Variants in SPRED3 observed in about 807,000 individuals in gnomAD.
SPRED3 encodes sprouty-related, EVH1 domain-containing protein 3.
In SPRED3, 23 loss-of-function variants were observed where a neutral mutation model predicts 37.6. The ratio of observed to expected loss-of-function variants is 0.61; its 90% confidence interval spans 0.44 to 0.87. The LOEUF (loss-of-function observed/expected upper bound fraction) is 0.87. SPRED3 is among the 40% of genes least tolerant of loss of function. The probability of loss-of-function intolerance (pLI) is 0.00; values close to 1 mark genes in which losing one functional copy is unlikely to be tolerated. For missense variants in SPRED3, 584 were observed against 618.6 expected (o/e 0.94, Z 0.59); for synonymous variants, 302 against 279.6 (o/e 1.08, Z -0.80).
rs111992491 is a variant in SPRED3, at chr19:38,392,326, G to A, written c.423+38G>A. 0.013 allele frequency: 19,833 copies of A among 1,471,412 alleles called. 170 individuals carry two copies. The highest frequency in any genetic ancestry group is 0.016 in the Non-Finnish European group (18,198 of 1,111,696). The allele number at this position is 1,471,412 out of a possible 1,614,324, so 91.1% of individuals were successfully genotyped here. A position where few individuals can be genotyped will look rare whatever the true frequency, so the allele number is the denominator to read the frequency against. ...GATGCCTCTCTGCTGGGGGAGGGTA[G>A]GGGTTTTGTTTTTATTCTATGAACA... is the stretch of plus-strand genomic sequence containing the variant. On this transcript the variant is annotated intron_variant, in intron 4 of 5. Transcript: ENST00000691638.
Position 38,390,440 on chromosome 19 carries a change from G to A in SPRED3, c.138G>A (p.Gly46=). The change falls in exon 2 of 6, where the codon GGG becomes GGA. Residue 46 remains glycine (G), a synonymous_variant. Transcript: ENST00000691638. Reference sequence around the variant, plus strand: ...GGCCCGAGGGGGGGGCCCGCCAGGGGCACTACGTCATCCACGGGGAACGCC... The same window carrying A: ...GGCCCGAGGGGGGGGCCCGCCAGGGACACTACGTCATCCACGGGGAACGCC... ...GARPEGGARQ[G]HYVIHGERLR... 7.1e-7 allele frequency: 1 copy of A among 1,405,950 alleles called. No individual in the cohort carries two copies. The allele number at this position is 1,405,950 out of a possible 1,614,324, so 87.1% of individuals were successfully genotyped here. A position where few individuals can be genotyped will look rare whatever the true frequency, so the allele number is the denominator to read the frequency against.
intron 1 of SPRED3, among the ~76,000 whole-genome samples, chr19:38,389,248 C>T (rs1302326081): frequency 6.6e-6 from 1 of 152,108 alleles, no homozygotes; most frequent in East Asian, 1.9e-4. Context: ...AAAATCCCAT[C>T]CCATTGAGAA....
chr19:38,394,707 C>T lies in SPRED3; in HGVS notation c.488C>T (p.Ala163Val), dbSNP rs866418300. ...SRQETPPSAA[A>V]APIITMESAS... ...CAGGAGACTCCTCCCAGCGCCGCTG[C>T]GGCCCCCATCATCACGATGGAGTCA... Residue 163 changes from alanine (A) to valine (V), a missense_variant, in exon 5 of 6, where the codon GCG becomes GTG. Physicochemically the swap from Ala to Val is moderately conservative, Grantham distance 64. This residue lies in a region of SPRED3 where 310 missense variants were observed against 281.1 expected (regional missense o/e 1.10). Transcript: ENST00000691638. 2.5e-6 allele frequency: 4 copies of T among 1,594,112 alleles called. No homozygotes were observed. The highest frequency in any genetic ancestry group is 8.5e-7 in the Non-Finnish European group (1 of 1,173,130).
chr19:38,395,808 A>ATT lies in SPRED3; in HGVS notation c.897_898dup (p.Cys300PhefsTer31). ...GCGGAGGAGGCAGCGCGCTGCGTGC[A>ATT]TTGCCGCGCGCTCTTCCGTCGCAGA... On this transcript the variant is annotated frameshift_variant, in exon 6 of 6. Transcript: ENST00000691638. LOFTEE classifies it high-confidence loss of function. This position sits in a 1 kb window ranked among gnomAD's most constrained non-coding sequence, Gnocchi z 5.2. 1 of 1,464,178 alleles carries ATT rather than the reference A, an allele frequency of 6.8e-7. No individual in the cohort carries two copies. The highest frequency in any genetic ancestry group is 1.3e-5 in the South Asian group (1 of 75,966). 90.7% of individuals were successfully genotyped at this position (1,464,178 alleles called of 1,614,324 possible). A position where few individuals can be genotyped will look rare whatever the true frequency, so the allele number is the denominator to read the frequency against.
At chr19:38,394,274 C>A (rs1196054516) in intron 4 of SPRED3, 2 of 1,392,898 alleles carry the variant, frequency 1.4e-6, no homozygotes, top group African/African-American at 2.9e-5. Context: ...TTCTGAGAAG[C>A]GGGAAGACGA....
At chr19:38,394,379 C>A (rs1970867599) in intron 4 of SPRED3, 1 of 1,586,182 alleles carries the variant, frequency 6.3e-7, no homozygotes, top group East Asian at 2.3e-5. Flanking sequence ...GTACTTCAGG[C>A]ATATGCTGTG....
At chr19:38,392,473 C>T in intron 4 of SPRED3, 185 bp downstream of exon 4, 1 of 649,888 alleles carries the variant, frequency 1.5e-6, no homozygotes, top group Non-Finnish European at 2.4e-6. Context: ...TCATGATTCA[C>T]ACGTTCATTC....
In SPRED3 at chr19:38,396,193, G is replaced by A; in HGVS notation, c.*48G>A. On this transcript the variant is annotated 3_prime_UTR_variant, in exon 6 of 6. Transcript: ENST00000691638. Reference sequence around the variant, plus strand: ...GCCGGCCCGAGGACCCAAAATTGAGGGTCCAGGACCCCGGACTCCGTTCGG... The same window carrying A: ...GCCGGCCCGAGGACCCAAAATTGAGAGTCCAGGACCCCGGACTCCGTTCGG... The A allele has an allele frequency of 8.3e-7, 1 of 1,211,038 alleles. No homozygotes were observed. Among genetic ancestry groups the A allele is most frequent in the Non-Finnish European group, 1.0e-6 (1 of 970,688 alleles). The allele number at this position is 1,211,038 out of a possible 1,614,324, so 75.0% of individuals were successfully genotyped here.
In SPRED3 at chr19:38,396,106, C is replaced by T. The variant is rs552721787; in HGVS notation, c.1194C>T (p.Cys398=). Residue 398 remains cysteine, a synonymous_variant, in exon 6 of 6, where the codon TGC becomes TGT. Transcript: ENST00000691638. ...ACHWVAARCG[C]AGCGGRHEEA... is the part of the protein sequence containing the mutation. ...ACTGGGTCGCAGCGCGATGCGGCTG[C>T]GCCGGCTGCGGGGGTCGCCACGAGG... The T allele has an allele frequency of 5.4e-6, 7 of 1,293,218 alleles. No homozygotes were observed. The highest frequency in any genetic ancestry group is 1.5e-5 in the African/African-American group (1 of 64,688). 80.1% of individuals were successfully genotyped at this position (1,293,218 alleles called of 1,614,324 possible). A position where few individuals can be genotyped will look rare whatever the true frequency, so the allele number is the denominator to read the frequency against.
intron 2 of SPRED3, among the ~76,000 whole-genome samples, chr19:38,390,826 C>T (rs1204716322): frequency 1.4e-5 from 2 of 144,634 alleles, no homozygotes; most frequent in African/African-American, 2.5e-5. Context: ...CTCCATCTTG[C>T]TCAGAGATCC....
intron 5 of SPRED3, 22 bp downstream of exon 5, chr19:38,394,808 C>T: frequency 1.3e-6 from 2 of 1,531,310 alleles, no homozygotes; most frequent in Non-Finnish European, 8.8e-7. Flanking sequence ...GAGCCTGGGG[C>T]TCCTGGGGGA....
Position 38,396,183 on chromosome 19 carries a change from C to A in SPRED3, c.*38C>A. 2 of 1,236,628 alleles carry A rather than the reference C, an allele frequency of 1.6e-6. No individual in the cohort carries two copies. The highest frequency in any genetic ancestry group is 6.8e-5 in the South Asian group (2 of 29,512). 76.6% of individuals were successfully genotyped at this position (1,236,628 alleles called of 1,614,324 possible). On this transcript the variant is annotated 3_prime_UTR_variant, in exon 6 of 6. Transcript: ENST00000691638. ...GGGTCCCCTAGCCGGCCCGAGGACC[C>A]AAAATTGAGGGTCCAGGACCCCGGA...
chr19:38,392,484 A>G, intron 4 of SPRED3, 196 bp downstream of exon 4: 3 of 608,862 alleles, frequency 4.9e-6, no homozygotes, highest in Non-Finnish European at 7.9e-6. Context: ...ACGTTCATTC[A>G]AGGGTCCTTA....
chr19:38,397,356 A>G lies in SPRED3; in HGVS notation c.*1211A>G, dbSNP rs1970910695. On this transcript the variant is annotated 3_prime_UTR_variant, in exon 6 of 6. Transcript: ENST00000691638. ...TGGCCCTCAGCCCTTGAGTGACCCTAAGGTACTTTAGGAGCACTGGATCCA... is the reference window on the plus strand; with the variant it reads ...TGGCCCTCAGCCCTTGAGTGACCCTGAGGTACTTTAGGAGCACTGGATCCA... The G allele has an allele frequency of 6.6e-6, 1 of 152,198 alleles. No homozygotes were observed. Among genetic ancestry groups the G allele is most frequent in the Admixed American group, 6.5e-5 (1 of 15,272 alleles). 9.4% of individuals were successfully genotyped at this position (152,198 alleles called of 1,614,324 possible). A position where few individuals can be genotyped will look rare whatever the true frequency, so the allele number is the denominator to read the frequency against.
rs768507154 is a variant in SPRED3, at chr19:38,390,425, G to T, written c.123G>T (p.Gly41=). The part of the protein sequence containing the change: ...VCRVRGARPE[G]GARQGHYVIH... ...GGGTCCGAGGGGCCAGGCCCGAGGGGGGGGCCCGCCAGGGGCACTACGTCA... is the reference window on the plus strand; with the variant it reads ...GGGTCCGAGGGGCCAGGCCCGAGGGTGGGGCCCGCCAGGGGCACTACGTCA... The change falls in exon 2 of 6, where the codon GGG becomes GGT. Residue 41 remains glycine (G), a synonymous_variant. Coordinates refer to ENST00000691638, the MANE Select transcript of SPRED3 (RefSeq NM_001394336.1). 7 of 1,406,038 alleles carry T rather than the reference G, an allele frequency of 5.0e-6. No homozygotes were observed. The South Asian group carries it at 7.1e-5, about 14-fold the overall frequency. 87.1% of individuals were successfully genotyped at this position (1,406,038 alleles called of 1,614,324 possible).
intron 4 of SPRED3, among the ~76,000 whole-genome samples, chr19:38,392,840 A>T (rs760120285): frequency 6.6e-6 from 1 of 152,062 alleles, no homozygotes; most frequent in Non-Finnish European, 1.5e-5. Flanking sequence ...CAACTGGACC[A>T]TCTCAATAGC....
chr19:38,394,846 G>A, intron 5 of SPRED3, 60 bp downstream of exon 5: 6 of 1,461,698 alleles, frequency 4.1e-6, no homozygotes, highest in Non-Finnish European at 5.4e-6. Context: ...GGGCCCGAAG[G>A]GAGCGGGAGC....
intron 4 of SPRED3, among the ~76,000 whole-genome samples, chr19:38,393,199 T>C (rs1031389720): frequency 3.7e-4 from 57 of 152,264 alleles, no homozygotes; most frequent in African/African-American, 1.3e-3. Context: ...TATACAAATA[T>C]CATCTTCTCA....
chr19:38,391,918 C>T, intron 2 of SPRED3, 28 bp from the exon 3 acceptor site: 4 of 1,610,716 alleles, frequency 2.5e-6, no homozygotes, highest in Non-Finnish European at 3.4e-6. Flanking sequence ...GTTGGGGTAT[C>T]TGACCCTGCT....
Sources: gnomAD v4.1 joint callset for allele counts (sites outside exome capture counted in the v4.1 genomes callset) on GRCh38, gnomAD v4.1.1 for gene constraint, gnomAD v4.1.1 regional missense constraint, Gnocchi (gnomAD v3.1) non-coding constraint, MANE v1.5 for transcripts, NCBI Gene and HGNC (gene_info 2026-07-23, HGNC 2026-07-21) for gene names.